The following VANGL1 variants were observed in gnomAD, a reference collection of about 807,000 sequenced individuals.
VANGL1 encodes the protein vang-like protein 1.
In VANGL1, 18 loss-of-function variants were observed where a neutral mutation model predicts 48.4. The observed-to-expected ratio is 0.37, with a 90% CI of 0.26 to 0.55. VANGL1 has a LOEUF of 0.55. Among genes scored for constraint, VANGL1 ranks in the 20% least tolerant of loss-of-function variants. The probability of loss-of-function intolerance (pLI) is 0.81; values close to 1 mark genes in which losing one functional copy is unlikely to be tolerated. For synonymous variants in VANGL1, 257 were observed against 261.8 expected (o/e 0.98, Z 0.18); for missense variants, 667 against 675.8 (o/e 0.99, Z 0.14).
chr1:115,671,502 G>A (rs1229767970), intron 4 of VANGL1, among the ~76,000 whole-genome samples: 1 of 152,220 alleles, frequency 6.6e-6, no homozygotes, highest in Non-Finnish European at 1.5e-5. Context: ...AGGAAGGCGA[G>A]GCAGTCCAGC....
intron 5 of VANGL1, among the ~76,000 whole-genome samples, chr1:115,683,011 C>A (rs1334243726): frequency 2.0e-5 from 3 of 152,212 alleles, no homozygotes; most frequent in Non-Finnish European, 1.5e-5. Context: ...GTGCAAGAAA[C>A]AGGATGCGGT....
intron 4 of VANGL1, among the ~76,000 whole-genome samples, chr1:115,669,972 C>T (rs1383049614): frequency 6.6e-6 from 1 of 152,138 alleles, no homozygotes; most frequent in Non-Finnish European, 1.5e-5. Context: ...TATGTGGAAG[C>T]CCTAACCTCC....
At chr1:115,685,935 A>G (rs1181855749) in intron 7 of VANGL1, among the ~76,000 whole-genome samples, 1 of 152,116 alleles carries the variant, frequency 6.6e-6, no homozygotes, top group Non-Finnish European at 1.5e-5. Context: ...GGTTAGGATA[A>G]TACTAATAAC....
intron 4 of VANGL1, among the ~76,000 whole-genome samples, chr1:115,670,448 C>CT (rs1652937023): frequency 1.3e-5 from 2 of 152,192 alleles, no homozygotes. Flanking sequence ...CTGGATTGCA[C>CT]TTTGATTTTC....
intron 4 of VANGL1, among the ~76,000 whole-genome samples, chr1:115,678,094 A>G (rs1161495261): frequency 6.6e-6 from 1 of 152,254 alleles, no homozygotes; most frequent in African/African-American, 2.4e-5. Flanking sequence ...GAACCAAAGG[A>G]CGTGTCCCCT....
At chr1:115,678,442 T>A (rs537880391) in intron 4 of VANGL1, among the ~76,000 whole-genome samples, 1 of 152,206 alleles carries the variant, frequency 6.6e-6, no homozygotes, top group South Asian at 2.1e-4. Context: ...ATAGCAGTAG[T>A]GAGGGAGAAT....
Position 115,651,370 on chromosome 1 carries a change from G to T in VANGL1, c.-44G>T. The T allele has an allele frequency of 6.3e-7, 1 of 1,590,372 alleles. No homozygotes were observed. The highest frequency in any genetic ancestry group is 8.6e-7 in the Non-Finnish European group (1 of 1,160,028). ...AGGTGAAATTTTCTACCTCTAAGGA[G>T]AAACAGTACCTGCTCCTTCCTCAAG... On this transcript the variant is annotated 5_prime_UTR_variant, in exon 2 of 8. Transcript: ENST00000355485.
Position 115,685,317 on chromosome 1 carries a change from C to T in VANGL1, c.1104C>T (p.Ala368=). The T allele has an allele frequency of 6.2e-7, 1 of 1,614,140 alleles. No individual in the cohort carries two copies. The change falls in exon 7 of 8, where the codon GCC becomes GCT. Residue 368 remains alanine, a synonymous_variant. Transcript: ENST00000355485. ...KARLVVAVEE[A]FIHIQRLQAE... is the part of the protein sequence containing the mutation. Reference sequence around the variant, plus strand: ...GGCTGGTGGTTGCAGTGGAAGAGGCCTTCATCCACATTCAGCGTCTCCAGG... The same window carrying T: ...GGCTGGTGGTTGCAGTGGAAGAGGCTTTCATCCACATTCAGCGTCTCCAGG...
rs1272646599 is a variant in VANGL1, at chr1:115,694,629, C to G, written c.*3250C>G. 6.6e-6 allele frequency: 1 copy of G among 152,202 alleles called. No individual in the cohort carries two copies. The highest frequency in any genetic ancestry group is 1.5e-5 in the Non-Finnish European group (1 of 68,040). 9.4% of individuals were successfully genotyped at this position (152,202 alleles called of 1,614,324 possible). ...TTGATTACCTTGCCACTCCAACCTACGTACTGAGTGAGTGCTCCAGCCACT... is the reference window on the plus strand; with the variant it reads ...TTGATTACCTTGCCACTCCAACCTAGGTACTGAGTGAGTGCTCCAGCCACT... On this transcript the variant is annotated 3_prime_UTR_variant, in exon 8 of 8. Coordinates refer to ENST00000355485, the MANE Select transcript of VANGL1 (RefSeq NM_138959.3).
chr1:115,649,743 C>T (rs1652076150), intron 1 of VANGL1, among the ~76,000 whole-genome samples: 2 of 152,198 alleles, frequency 1.3e-5, no homozygotes, highest in African/African-American at 4.8e-5. Context: ...GAGATTGGAA[C>T]CCACCTTTGG....
intron 4 of VANGL1, among the ~76,000 whole-genome samples, chr1:115,679,052 C>T (rs913273950): frequency 1.3e-5 from 2 of 152,082 alleles, no homozygotes; most frequent in African/African-American, 4.8e-5. Flanking sequence ...TATTTAGTTA[C>T]TTGGAAATTC....
rs1652132162 is a variant in VANGL1, at chr1:115,651,277, AAT to A, written c.-136_-135del. The A allele has an allele frequency of 1.4e-6, 1 of 708,892 alleles. No individual in the cohort carries two copies. The highest frequency in any genetic ancestry group is 1.8e-5 in the African/African-American group (1 of 55,644). 43.9% of individuals were successfully genotyped at this position (708,892 alleles called of 1,614,324 possible). A position where few individuals can be genotyped will look rare whatever the true frequency, so the allele number is the denominator to read the frequency against. Reference sequence around the variant, plus strand: ...CTTTTTTTTTCCCCCTCTTTCCCAGAATTTGTTCCTGTTGAAGAGTGGCTCCT... The same window carrying A: ...CTTTTTTTTTCCCCCTCTTTCCCAGATTGTTCCTGTTGAAGAGTGGCTCCT... On this transcript the variant is annotated splice_region_variant and 5_prime_UTR_variant, in exon 2 of 8. Coordinates refer to ENST00000355485, the MANE Select transcript of VANGL1 (RefSeq NM_138959.3).
rs774241722 is a variant in VANGL1 at position 115,663,706 on chromosome 1, G to C, written c.250G>C (p.Glu84Gln). 1 of 1,614,190 alleles carries C rather than the reference G, an allele frequency of 6.2e-7. No individual in the cohort carries two copies. The highest frequency in any genetic ancestry group is 1.1e-5 in the South Asian group (1 of 91,066). The change falls in exon 4 of 8, where the codon GAG becomes CAG. Residue 84 changes from glutamate (E) to glutamine (Q), a missense_variant. By Grantham distance (29) the Glu-to-Gln change is conservative. Transcript: ENST00000355485. ...CACCACGGCCATCACAGGCACCTCG[G>C]AGCACAGCATATCCCAAGAGGACAT... Reference protein sequence around the residue: ...ETTTAITGTSEHSISQEDIAR... With the variant: ...ETTTAITGTSQHSISQEDIAR...
intron 6 of VANGL1, 102 bp downstream of exon 6, chr1:115,684,178 G>A: frequency 8.2e-7 from 1 of 1,219,892 alleles, no homozygotes; most frequent in Non-Finnish European, 1.1e-6. Flanking sequence ...TCACTCTGTT[G>A]CCCAGGCTGG....
chr1:115,681,631 C>T (rs999876406), intron 4 of VANGL1, among the ~76,000 whole-genome samples: 6 of 151,716 alleles, frequency 4.0e-5, no homozygotes, highest in African/African-American at 9.7e-5. Flanking sequence ...TTCAGCCTCC[C>T]GAGTAGCTGG....
At chr1:115,671,759 G>A (rs954673310) in intron 4 of VANGL1, among the ~76,000 whole-genome samples, 1 of 152,206 alleles carries the variant, frequency 6.6e-6, no homozygotes. Flanking sequence ...AGGGCTGCAT[G>A]CTCCCCAGGC....
chr1:115,667,312 G>A (rs1652829236), intron 4 of VANGL1, among the ~76,000 whole-genome samples: 1 of 152,194 alleles, frequency 6.6e-6, no homozygotes, highest in Non-Finnish European at 1.5e-5. Context: ...AAAGGTGCTT[G>A]CTGTGGCCCT....
chr1:115,678,572 G>A lies in VANGL1; in HGVS notation c.813-3792G>A, dbSNP rs561468873. Among the ~76,000 whole-genome samples, 26 of 152,322 alleles carry A rather than the reference G, an allele frequency of 1.7e-4. No individual in the cohort carries two copies. In the South Asian group the frequency reaches 2.9e-3, roughly 17 times the overall value. On this transcript the variant is annotated intron_variant, in intron 4 of 7. Transcript: ENST00000355485. ...CCAGTGTCTTCACTGCCTTATGTAC[G>A]TGGCACAGCTCACTGTTAAGATGCG...
At chr1:115,680,003 G>T (rs1337223444) in intron 4 of VANGL1, among the ~76,000 whole-genome samples, 1 of 94,774 alleles carries the variant, frequency 1.1e-5, no homozygotes, top group South Asian at 4.5e-4. Context: ...GTGTGTGTGT[G>T]TGTGTGTGTG....
Sources: allele counts gnomAD v4.1 joint callset (sites outside exome capture counted in the v4.1 genomes callset), GRCh38; gene constraint gnomAD v4.1.1; transcripts MANE v1.5; gene names NCBI Gene and HGNC (gene_info 2026-07-23, HGNC 2026-07-21).